The following ADK variants were observed in gnomAD, a reference collection of about 807,000 sequenced individuals.
ADK encodes adenosine kinase.
In ADK, 24 loss-of-function variants were observed where a neutral mutation model predicts 44.7. The ratio of observed to expected loss-of-function variants is 0.54; its 90% confidence interval spans 0.39 to 0.76. ADK has a LOEUF of 0.76. ADK is among the 30% of genes least tolerant of loss of function. The pLI is 0.00. For missense variants in ADK, 321 were observed against 425.1 expected (o/e 0.76, Z 2.15); for synonymous variants, 128 against 142.6 (o/e 0.90, Z 0.73).
At chr10:74,434,829 A>G (rs1845126286) in intron 6 of ADK, among the ~76,000 whole-genome samples, 1 of 152,150 alleles carries the variant, frequency 6.6e-6, no homozygotes, top group African/African-American at 2.4e-5. Flanking sequence ...GGGATCCTAT[A>G]CATTTTGTTT....
At chr10:74,328,425 T>C (rs1201885760) in intron 4 of ADK, among the ~76,000 whole-genome samples, 1 of 152,174 alleles carries the variant, frequency 6.6e-6, no homozygotes, top group African/African-American at 2.4e-5. Context: ...CTTCTGCATA[T>C]GTGGGCTTAG....
intron 3 of ADK, among the ~76,000 whole-genome samples, chr10:74,273,579 C>T (rs1169479620): frequency 6.6e-6 from 1 of 151,906 alleles, no homozygotes; most frequent in Non-Finnish European, 1.5e-5. Flanking sequence ...TGCCTTGGTC[C>T]CCTGAGTAGC....
At chr10:74,437,424 T>G (rs1040988927) in intron 6 of ADK, among the ~76,000 whole-genome samples, 3 of 152,216 alleles carry the variant, frequency 2.0e-5, no homozygotes, top group African/African-American at 7.2e-5. Flanking sequence ...ATATACAGTG[T>G]CAATCCTGTT....
At chr10:74,497,472 C>G (rs1413654617) in intron 6 of ADK, among the ~76,000 whole-genome samples, 1 of 152,146 alleles carries the variant, frequency 6.6e-6, no homozygotes, top group African/African-American at 2.4e-5. Flanking sequence ...TTTTCTCCCA[C>G]CTCTCTCTTC....
At chr10:74,492,144 G>A (rs1156439000) in intron 6 of ADK, among the ~76,000 whole-genome samples, 3 of 151,976 alleles carry the variant, frequency 2.0e-5, no homozygotes, top group South Asian at 2.1e-4. Flanking sequence ...AAAAATTCAC[G>A]TTTTGTTACA....
intron 9 of ADK, among the ~76,000 whole-genome samples, chr10:74,650,689 CT>C (rs1240389741): frequency 1.3e-5 from 2 of 152,126 alleles, no homozygotes; most frequent in Non-Finnish European, 2.9e-5. Flanking sequence ...AGTGTTGAGA[CT>C]TCACATACCA....
intron 3 of ADK, among the ~76,000 whole-genome samples, chr10:74,230,795 C>T (rs1844731667): frequency 6.6e-6 from 1 of 152,028 alleles, no homozygotes; most frequent in South Asian, 2.1e-4. Flanking sequence ...GATTCCCCTG[C>T]CTCAGCCTCC....
chr10:74,244,827 CTA>C (rs1210371951), intron 3 of ADK, among the ~76,000 whole-genome samples: 2 of 152,246 alleles, frequency 1.3e-5, no homozygotes, highest in African/African-American at 4.8e-5. Flanking sequence ...AGAGGGCAAA[CTA>C]TGTGGTACAG....
At chr10:74,665,466 G>A (rs1751029890) in intron 9 of ADK, among the ~76,000 whole-genome samples, 1 of 152,116 alleles carries the variant, frequency 6.6e-6, no homozygotes, top group Non-Finnish European at 1.5e-5. Flanking sequence ...ACCAGGCCAA[G>A]TGTGGTGACT....
chr10:74,153,943 A>T (rs117635749), intron 1 of ADK, among the ~76,000 whole-genome samples: 3 of 152,032 alleles, frequency 2.0e-5, no homozygotes, highest in Non-Finnish European at 4.4e-5. Flanking sequence ...TAAAAACTGG[A>T]TATATATAGA....
At chr10:74,178,874 G>C (rs1248434599) in intron 1 of ADK, among the ~76,000 whole-genome samples, 1 of 152,184 alleles carries the variant, frequency 6.6e-6, no homozygotes, top group Non-Finnish European at 1.5e-5. Context: ...GACAAAAGTT[G>C]AGTGCCTTGT....
chr10:74,435,669 A>G (rs1845157382), intron 6 of ADK, among the ~76,000 whole-genome samples: 1 of 152,170 alleles, frequency 6.6e-6, no homozygotes, highest in Admixed American at 6.5e-5. Context: ...GACAAAAGGA[A>G]AATCTTAAAC....
At chr10:74,558,511 T>C (rs1850345316) in intron 7 of ADK, among the ~76,000 whole-genome samples, 1 of 152,196 alleles carries the variant, frequency 6.6e-6, no homozygotes. Flanking sequence ...GTGTGGCAGT[T>C]TCCTGCTCGT....
At chr10:74,566,521 A>G (rs1850675374) in intron 7 of ADK, among the ~76,000 whole-genome samples, 1 of 151,960 alleles carries the variant, frequency 6.6e-6, no homozygotes, top group Admixed American at 6.6e-5. Flanking sequence ...CTTTCTTTTC[A>G]TTCTAACCAT....
chr10:74,470,149 G>A (rs1031860928), intron 6 of ADK, among the ~76,000 whole-genome samples: 9 of 150,220 alleles, frequency 6.0e-5, no homozygotes, highest in Admixed American at 1.3e-4. Context: ...CTCAGCCTCC[G>A]GAGTAGCTGG....
chr10:74,245,500 A>G (rs1194345580), intron 3 of ADK, among the ~76,000 whole-genome samples: 1 of 151,904 alleles, frequency 6.6e-6, no homozygotes, highest in Non-Finnish European at 1.5e-5. Context: ...ATGACCCTAT[A>G]TATTTTTTAT....
At chr10:74,184,530 TGTG>T (rs1842678075) in intron 1 of ADK, among the ~76,000 whole-genome samples, 1 of 148,274 alleles carries the variant, frequency 6.7e-6, no homozygotes, top group African/African-American at 2.5e-5. Context: ...TGTGTGTGTG[TGTG>T]TGTGTGTGTG....
rs1171679916 is a variant in ADK at position 74,205,018 on chromosome 10, T to G, written c.140+4180T>G. Among the ~76,000 whole-genome samples, 20 of 109,618 alleles carry G rather than the reference T, an allele frequency of 1.8e-4. No homozygotes were observed. The Admixed American group carries it at 2.4e-3, about 13-fold the overall frequency. 71.9% of individuals were successfully genotyped at this position (109,618 alleles called of 152,430 possible). A position where few individuals can be genotyped will look rare whatever the true frequency, so the allele number is the denominator to read the frequency against. Reference sequence around the variant, plus strand: ...TTGCACCATTGCACTCCAACCTGGGTGACAGAGTTGACACTCTGTCTCAAA... The same window carrying G: ...TTGCACCATTGCACTCCAACCTGGGGGACAGAGTTGACACTCTGTCTCAAA... On this transcript the variant is annotated intron_variant, in intron 2 of 10. Coordinates refer to ENST00000539909, the MANE Select transcript of ADK (RefSeq NM_006721.4).
At chr10:74,498,922 C>G (rs192924014) in intron 6 of ADK, among the ~76,000 whole-genome samples, 1 of 152,314 alleles carries the variant, frequency 6.6e-6, no homozygotes, top group East Asian at 1.9e-4. Context: ...ATGGATGAAG[C>G]TGGAAACCAT....
Sources: allele counts gnomAD v4.1 joint callset (sites outside exome capture counted in the v4.1 genomes callset), GRCh38; gene constraint gnomAD v4.1.1; transcripts MANE v1.5; gene names NCBI Gene and HGNC (gene_info 2026-07-23, HGNC 2026-07-21).